SECISBP2L: variants seen among roughly 807,000 people sequenced by gnomAD.
The protein encoded by SECISBP2L is selenocysteine insertion sequence-binding protein 2-like.
In SECISBP2L, 43 loss-of-function variants were observed where a neutral mutation model predicts 114.7. That is an observed-to-expected ratio of 0.38 (90% CI 0.29 to 0.48). The LOEUF is 0.48. SECISBP2L is among the 20% of genes least tolerant of loss of function. The probability of loss-of-function intolerance (pLI) is 0.98; values close to 1 mark genes in which losing one functional copy is unlikely to be tolerated. For missense variants in SECISBP2L, 1,136 were observed against 1,301.1 expected, an observed-to-expected ratio of 0.87 and a Z score of 1.95; for synonymous variants, 451 against 439.7, an observed-to-expected ratio of 1.03 and a Z score of -0.32.
In SECISBP2L at chr15:48,988,719, C is replaced by A. The variant is rs928676966; in HGVS notation, c.*3525G>T. The A allele has an allele frequency of 1.2e-5, 5 of 407,110 alleles. No individual in the cohort carries two copies. The highest frequency in any genetic ancestry group is 2.5e-5 in the Non-Finnish European group (5 of 201,670). 25.2% of individuals were successfully genotyped at this position (407,110 alleles called of 1,614,324 possible). On this transcript the variant is annotated 3_prime_UTR_variant, in exon 18 of 18. Transcript: ENST00000559471. ...GTGCAAAAAAGCTGTTATTACCCCC[C>A]AAATGTGATATAACAATTATCCTTC...
At chr15:49,023,384 A>G (rs1902679963) in intron 7 of SECISBP2L, among the ~76,000 whole-genome samples, 1 of 152,234 alleles carries the variant, frequency 6.6e-6, no homozygotes. Flanking sequence ...CATAATTTTT[A>G]TCTAACTGGC....
chr15:48,998,915 C>G (rs1438604287), intron 16 of SECISBP2L, among the ~76,000 whole-genome samples: 1 of 152,174 alleles, frequency 6.6e-6, no homozygotes, highest in East Asian at 1.9e-4. Context: ...CCTGCTTATA[C>G]TCAAGTAATG....
intron 17 of SECISBP2L, chr15:48,995,980 T>C (rs1902077653): frequency 5.3e-6 from 1 of 188,594 alleles, no homozygotes; most frequent in Admixed American, 5.4e-5. Flanking sequence ...GATCTATAAC[T>C]GACTGTGAAC....
At chr15:49,028,420 G>T in intron 5 of SECISBP2L, 33 bp downstream of exon 5, 3 of 1,586,128 alleles carry the variant, frequency 1.9e-6, no homozygotes, top group South Asian at 2.2e-5. Flanking sequence ...TGATATCAAT[G>T]ACCAATAAAG....
intron 1 of SECISBP2L, 142 bp downstream of exon 1, chr15:49,046,134 G>C: frequency 2.2e-6 from 2 of 902,718 alleles, no homozygotes; most frequent in Non-Finnish European, 3.3e-6. Context: ...AAGGAGAGCT[G>C]GGAGCTGCCA....
At position 49,012,678 on chromosome 15, in the gene SECISBP2L, T is replaced by C. The variant is rs111408405; in HGVS notation, c.1701A>G (p.Ala567=). The change falls in exon 12 of 18, where the codon GCA becomes GCG. Residue 567 remains alanine (A), a synonymous_variant. Coordinates refer to ENST00000559471, the MANE Select transcript of SECISBP2L (RefSeq NM_001193489.2). ...TAAGTGCTGTGGGTCGTTTTAGTTT[T>C]GCAATTTCCTTCTCTTTTCCTTTTT... ...KAKKGKEKEI[A]KLKRPTALKK... 8.1e-6 allele frequency: 13 copies of C among 1,613,592 alleles called. No individual in the cohort carries two copies. The highest frequency in any genetic ancestry group is 4.0e-5 in the African/African-American group (3 of 74,992).
intron 1 of SECISBP2L, 82 bp downstream of exon 1, chr15:49,046,194 A>C: frequency 6.7e-7 from 1 of 1,496,410 alleles, no homozygotes. Flanking sequence ...CCCGGTCCCC[A>C]CGTTCGGAGA....
At chr15:49,033,143 T>C (rs1314591529) in intron 3 of SECISBP2L, 43 bp from the exon 4 acceptor site, 1 of 1,579,978 alleles carries the variant, frequency 6.3e-7, no homozygotes, top group South Asian at 1.1e-5. Flanking sequence ...CACACAACTA[T>C]TCAATGTACT....
chr15:49,034,168 G>C (rs1051500738), intron 3 of SECISBP2L, among the ~76,000 whole-genome samples: 30 of 152,078 alleles, frequency 2.0e-4, no homozygotes, highest in African/African-American at 6.3e-4. Flanking sequence ...ATTATACGAG[G>C]AGGCAGCAAA....
intron 7 of SECISBP2L, among the ~76,000 whole-genome samples, chr15:49,022,286 A>G (rs1412020325): frequency 6.6e-6 from 1 of 152,004 alleles, no homozygotes; most frequent in African/African-American, 2.4e-5. Context: ...CCTGCCTTAC[A>G]CCACTTCTAA....
chr15:49,034,721 G>A (rs1165427123), intron 3 of SECISBP2L, among the ~76,000 whole-genome samples: 1 of 148,730 alleles, frequency 6.7e-6, no homozygotes, highest in East Asian at 2.0e-4. Flanking sequence ...CTGGAGTGTA[G>A]TGGTGCTATC....
At chr15:49,045,496 G>A (rs548900470) in intron 1 of SECISBP2L, among the ~76,000 whole-genome samples, 18 of 151,816 alleles carry the variant, frequency 1.2e-4, no homozygotes, top group Non-Finnish European at 2.4e-4. Flanking sequence ...GGAAAATACT[G>A]GGGGGGAAAC....
chr15:49,022,274 T>C (rs577312158), intron 7 of SECISBP2L, among the ~76,000 whole-genome samples: 93 of 152,164 alleles, frequency 6.1e-4, no homozygotes, highest in African/African-American at 1.9e-3. Context: ...CATGCCACCA[T>C]GCCTGCCTTA....
At chr15:49,041,691 G>C (rs1249714954) in intron 1 of SECISBP2L, among the ~76,000 whole-genome samples, 1 of 152,012 alleles carries the variant, frequency 6.6e-6, no homozygotes, top group African/African-American at 2.4e-5. Context: ...AACATAACGA[G>C]ACACTCTCCC....
chr15:49,001,746 A>T (rs1431168446), intron 14 of SECISBP2L: 1 of 152,260 alleles, frequency 6.6e-6, no homozygotes, highest in Non-Finnish European at 1.5e-5. Flanking sequence ...GTTTGCTGAG[A>T]ATCATGGTTT....
chr15:49,014,052 A>G (rs956885688), intron 11 of SECISBP2L, among the ~76,000 whole-genome samples: 19 of 152,100 alleles, frequency 1.2e-4, no homozygotes, highest in African/African-American at 4.3e-4. Flanking sequence ...TTCTCTCATT[A>G]TCACTTTTCA....
intron 14 of SECISBP2L, chr15:49,001,950 T>C (rs568106462): frequency 4.4e-4 from 67 of 152,222 alleles, no homozygotes; most frequent in African/African-American, 1.5e-3. Context: ...TATAGCAGCA[T>C]GCTTTAGAAT....
chr15:49,027,820 A>G (rs1371604511), intron 6 of SECISBP2L, among the ~76,000 whole-genome samples: 1 of 152,118 alleles, frequency 6.6e-6, no homozygotes, highest in Non-Finnish European at 1.5e-5. Flanking sequence ...CATGTTGGCC[A>G]GGCTGGTCTC....
Position 49,035,476 on chromosome 15 carries a change from G to C in SECISBP2L, c.386C>G (p.Pro129Arg). 1.2e-6 allele frequency: 2 copies of C among 1,614,152 alleles called. No homozygotes were observed. Among genetic ancestry groups the C allele is most frequent in the South Asian group, 2.2e-5 (2 of 91,084 alleles). ...TGCAGCCTGAAAGGTGTTGGAGTAA[G>C]GTGTAGGAAAAGGATGATAGAAACC... is the stretch of plus-strand genomic sequence containing the variant. ...VMGFYHPFPTPYSNTFQAANT... is the reference protein window; with the variant it reads ...VMGFYHPFPTRYSNTFQAANT... The change falls in exon 3 of 18, where the codon CCT (proline) becomes CGT (arginine). Residue 129 changes from proline (P) to arginine (R), a missense_variant. By Grantham distance (103) the Pro-to-Arg change is moderately radical. Around this residue, in one of 2 missense-constraint regions of SECISBP2L, gnomAD observed 452 missense variants for 452.3 expected, o/e 1.00. Transcript: ENST00000559471.
Sources: gnomAD v4.1 joint callset for allele counts (sites outside exome capture counted in the v4.1 genomes callset) on GRCh38, gnomAD v4.1.1 for gene constraint, gnomAD v4.1.1 regional missense constraint, MANE v1.5 for transcripts, NCBI Gene and HGNC (gene_info 2026-07-23, HGNC 2026-07-21) for gene names.